The following AADACL3 variants were observed in gnomAD, a reference collection of about 807,000 sequenced individuals.
AADACL3 encodes arylacetamide deacetylase like 3.
In AADACL3, 13 loss-of-function variants were observed where a neutral mutation model predicts 13.6. The ratio of observed to expected loss-of-function variants is 0.95; its 90% CI spans 0.62 to 1.52. The LOEUF (loss-of-function observed/expected upper bound fraction) is 1.52. Among genes scored for constraint, AADACL3 ranks in the 40% most tolerant of loss-of-function variants. The pLI, the probability that AADACL3 is intolerant of heterozygous loss-of-function variation, is 0.00. For missense variants in AADACL3, 519 were observed against 499.2 expected, an observed-to-expected ratio of 1.04 and a Z score of -0.38; for synonymous variants, 195 against 197.0, an observed-to-expected ratio of 0.99 and a Z score of 0.08.
At position 12,725,624 on chromosome 1, in the gene AADACL3, G is replaced by T. The variant is rs1481408725; in HGVS notation, c.852G>T (p.Trp284Cys). The change falls in exon 4 of 4, where the codon TGG (tryptophan) becomes TGT (cysteine). Residue 284 changes from tryptophan to cysteine, a missense_variant. Trp to Cys is a radical substitution (Grantham distance 215). Coordinates refer to ENST00000359318, the MANE Select transcript of AADACL3 (RefSeq NM_001103170.3). ...PAEVWEKYRKWLGPENIPERF... is the reference protein window; with the variant it reads ...PAEVWEKYRKCLGPENIPERF... ...AAGTCTGGGAAAAGTACAGAAAGTGGTTGGGCCCAGAAAACATCCCTGAGA... is the reference window on the plus strand; with the variant it reads ...AAGTCTGGGAAAAGTACAGAAAGTGTTTGGGCCCAGAAAACATCCCTGAGA... The T allele has an allele frequency of 3.1e-6, 5 of 1,614,086 alleles. No individual in the cohort carries two copies. In the South Asian group the frequency reaches 5.5e-5, roughly 18 times the overall value.
intron 3 of AADACL3, among the ~76,000 whole-genome samples, chr1:12,722,889 A>G (rs1638296980): frequency 3.3e-5 from 5 of 152,108 alleles, no homozygotes; most frequent in Admixed American, 3.3e-4. Flanking sequence ...TTGGAACTGT[A>G]ACTTGGAGTG....
intron 1 of AADACL3, among the ~76,000 whole-genome samples, 161 bp downstream of exon 1, chr1:12,716,505 G>A (rs1648438757): frequency 6.6e-6 from 1 of 152,144 alleles, no homozygotes; most frequent in Admixed American, 6.5e-5. Context: ...CTATTAGGTG[G>A]TTCTCAGCCT....
intron 2 of AADACL3, 145 bp from the exon 3 acceptor site, chr1:12,720,736 CAG>C (rs1438851620): frequency 5.0e-5 from 30 of 605,482 alleles, no homozygotes; most frequent in Non-Finnish European, 8.6e-5. Context: ...GAAGGAGAAT[CAG>C]TGAGAAGATT....
intron 1 of AADACL3, among the ~76,000 whole-genome samples, chr1:12,717,777 T>TG (rs985628674): frequency 9.2e-5 from 14 of 152,220 alleles, no homozygotes; most frequent in African/African-American, 3.4e-4. Context: ...GCTTCTCTCC[T>TG]GGGGCATCTT....
rs1648430594 is a variant in AADACL3, at chr1:12,716,273, A to G, written c.97A>G (p.Ile33Val). 1 of 1,604,220 alleles carries G rather than the reference A, an allele frequency of 6.2e-7. No individual in the cohort carries two copies. The change falls in exon 1 of 4, where the codon ATC (isoleucine) becomes GTC (valine). Residue 33 changes from isoleucine to valine, a missense_variant. Transcript: ENST00000359318. ...VICSHFFTVH[I>V]PAAVGHPVKL... ...TTGCAGCCATTTTTTCACTGTGCAC[A>G]TCCCTGCAGCGGTTGGCCACCCTGT...
chr1:12,716,593 A>C (rs574690331), intron 1 of AADACL3, among the ~76,000 whole-genome samples: 2 of 152,238 alleles, frequency 1.3e-5, no homozygotes, highest in African/African-American at 4.8e-5. Flanking sequence ...GTTAACAGAA[A>C]GAAAAAACCA....
Position 12,726,455 on chromosome 1 carries a change from G to T in AADACL3, c.*459G>T. 6.3e-6 allele frequency: 1 copy of T among 159,430 alleles called. No individual in the cohort carries two copies. The highest frequency in any genetic ancestry group is 1.4e-5 in the Non-Finnish European group (1 of 72,706). 9.9% of individuals were successfully genotyped at this position (159,430 alleles called of 1,614,324 possible). On this transcript the variant is annotated 3_prime_UTR_variant, in exon 4 of 4. Transcript: ENST00000359318. ...GGCAGGAGCTCTGATGCTCTGGGCT[G>T]CTGTGAGGTGGTGGTGGTGGTAGAG...
Position 12,725,649 on chromosome 1 carries a change from A to G in AADACL3, c.877A>G (p.Arg293Gly), listed in dbSNP as rs1015521539. The part of the protein sequence containing the change: ...KWLGPENIPE[R>G]FKERGYQLKP... ...GTTGGGCCCAGAAAACATCCCTGAG[A>G]GGTTTAAGGAGAGGGGTTACCAACT... is the stretch of plus-strand genomic sequence containing the variant. The change falls in exon 4 of 4, where the codon AGG becomes GGG. Residue 293 changes from arginine (R) to glycine (G), a missense_variant. By Grantham distance (125) the Arg-to-Gly change is moderately radical (BLOSUM62 -2). Transcript: ENST00000359318. 1 of 1,613,904 alleles carries G rather than the reference A, an allele frequency of 6.2e-7. No individual in the cohort carries two copies. The highest frequency in any genetic ancestry group is 1.3e-5 in the African/African-American group (1 of 74,856).
intron 3 of AADACL3, among the ~76,000 whole-genome samples, chr1:12,722,669 A>T (rs1638287619): frequency 6.6e-6 from 1 of 151,270 alleles, no homozygotes; most frequent in African/African-American, 2.4e-5. Context: ...GCTCCCATAG[A>T]GTGTTTCTTT....
In AADACL3 at chr1:12,725,816, T is replaced by C. The variant is rs370264034; in HGVS notation, c.1044T>C (p.Ala348=). 4 of 1,613,974 alleles carry C rather than the reference T, an allele frequency of 2.5e-6. No individual in the cohort carries two copies. Among genetic ancestry groups the C allele is most frequent in the Non-Finnish European group, 3.4e-6 (4 of 1,180,016 alleles). The change falls in exon 4 of 4, where the codon GCT becomes GCC. Residue 348 remains alanine, a synonymous_variant. Coordinates refer to ENST00000359318, the MANE Select transcript of AADACL3 (RefSeq NM_001103170.3). ...ETCIVSCEYD[A]LRDNSLLYKK... is the part of the protein sequence containing the mutation. ...GCATCGTGAGCTGTGAGTATGATGC[T>C]CTCCGGGACAATTCACTGTTGTACA...
Sources: gnomAD v4.1 joint callset for allele counts (sites outside exome capture counted in the v4.1 genomes callset) on GRCh38, gnomAD v4.1.1 for gene constraint, MANE v1.5 for transcripts, NCBI Gene and HGNC (gene_info 2026-07-23, HGNC 2026-07-21) for gene names.